VAT1L: variants seen among roughly 807,000 people sequenced by gnomAD.
The protein encoded by VAT1L is putative NADPH-dependent quinone oxidoreductase VAT1L.
Under a neutral mutation model 44.1 loss-of-function variants are expected in VAT1L, and 34 were observed. The ratio of observed to expected loss-of-function variants is 0.77; its 90% CI spans 0.59 to 1.03. The LOEUF (loss-of-function observed/expected upper bound fraction) is 1.03, where lower values mean the gene tolerates loss of function less well. Ranked by LOEUF, VAT1L falls within the 50% of genes least tolerant of loss-of-function variation. VAT1L has a pLI of 0.00. For synonymous variants in VAT1L, 253 were observed against 202.2 expected (o/e 1.25, Z -2.13); for missense variants, 615 against 538.8 (o/e 1.14, Z -1.40).
chr16:77,820,392 A>C (rs2145241049), intron 2 of VAT1L, among the ~76,000 whole-genome samples: 1 of 152,332 alleles, frequency 6.6e-6, no homozygotes, highest in South Asian at 2.1e-4. Context: ...ATCAGCAAAA[A>C]CACACATTTA....
At chr16:77,804,777 G>T (rs938455172) in intron 1 of VAT1L, among the ~76,000 whole-genome samples, 3 of 152,138 alleles carry the variant, frequency 2.0e-5, no homozygotes, top group Non-Finnish European at 2.9e-5. Context: ...GGAAAAGGCG[G>T]TGGTCTTTAG....
intron 7 of VAT1L, among the ~76,000 whole-genome samples, chr16:77,948,655 G>T (rs2018001723): frequency 2.0e-5 from 3 of 151,924 alleles, no homozygotes; most frequent in Non-Finnish European, 4.4e-5. Flanking sequence ...TTCCTTCATT[G>T]CCTTCCCTTT....
intron 7 of VAT1L, among the ~76,000 whole-genome samples, chr16:77,939,224 A>G (rs930406964): frequency 6.6e-6 from 1 of 152,236 alleles, no homozygotes; most frequent in African/African-American, 2.4e-5. Context: ...CTAAACGCTT[A>G]ACCAATTCTT....
rs184985827 is a variant in VAT1L, at chr16:77,838,578, G to A, written c.579+13117G>A. On this transcript the variant is annotated intron_variant, in intron 3 of 8. Coordinates refer to ENST00000302536, the MANE Select transcript of VAT1L (RefSeq NM_020927.3). ...GAGAGATTAAATTTGAGCACTCCCT[G>A]CCCCTCACACAAGCTATGTCCCTCT... Among the ~76,000 whole-genome samples the A allele has an allele frequency of 2.6e-5, 4 of 152,104 alleles. No individual in the cohort carries two copies. The East Asian group carries it at 5.8e-4, about 22-fold the overall frequency.
chr16:77,936,851 C>T (rs1246814747), intron 7 of VAT1L, among the ~76,000 whole-genome samples: 2 of 146,754 alleles, frequency 1.4e-5, no homozygotes. Context: ...ATTCCTAAGA[C>T]CTGAGGGTTT....
intron 2 of VAT1L, among the ~76,000 whole-genome samples, chr16:77,819,638 C>A (rs1293312805): frequency 6.6e-6 from 1 of 152,208 alleles, no homozygotes; most frequent in Non-Finnish European, 1.5e-5. Flanking sequence ...CCGCCTCAAC[C>A]TCCCAAAGTG....
chr16:77,839,675 A>G (rs1257671484), intron 3 of VAT1L, among the ~76,000 whole-genome samples: 1 of 151,896 alleles, frequency 6.6e-6, no homozygotes, highest in Non-Finnish European at 1.5e-5. Flanking sequence ...TGGGTGGTAC[A>G]CAACCTTGGG....
At chr16:77,917,580 T>C (rs2017564585) in intron 7 of VAT1L, among the ~76,000 whole-genome samples, 1 of 152,218 alleles carries the variant, frequency 6.6e-6, no homozygotes. Flanking sequence ...TGTTTTGATT[T>C]GTTTGTAGCT....
chr16:77,866,864 C>G (rs1190549438), intron 4 of VAT1L, among the ~76,000 whole-genome samples: 1 of 152,116 alleles, frequency 6.6e-6, no homozygotes, highest in Admixed American at 6.5e-5. Flanking sequence ...ACTGCAAGGG[C>G]TTTACAAATA....
rs539414676 is a variant in VAT1L at position 77,879,576 on chromosome 16, G to C, written c.882+352G>C. ...GCTGGGATTACAGGCGTGAGCCACC[G>C]CACCCAGCTGTGAGCTCTTCTATCA... On this transcript the variant is annotated intron_variant, in intron 6 of 8. Transcript: ENST00000302536. The surrounding 1 kb of genome is among the most constrained non-coding windows in gnomAD (Gnocchi z 4.1). Among the ~76,000 whole-genome samples the C allele has an allele frequency of 6.6e-6, 1 of 152,178 alleles. No individual in the cohort carries two copies. Among genetic ancestry groups the C allele is most frequent in the African/African-American group, 2.4e-5 (1 of 41,460 alleles).
chr16:77,838,222 G>C (rs192238307), intron 3 of VAT1L, among the ~76,000 whole-genome samples: 1 of 152,164 alleles, frequency 6.6e-6, no homozygotes, highest in African/African-American at 2.4e-5. Flanking sequence ...ATGACTCTGG[G>C]GACCCATCCA....
At chr16:77,971,814 C>G (rs1265543137) in intron 7 of VAT1L, 36 bp from the exon 8 acceptor site, 2 of 1,599,702 alleles carry the variant, frequency 1.3e-6, no homozygotes, top group South Asian at 2.3e-5. Context: ...AACATCTCGC[C>G]TAACCAGCAC....
At chr16:77,897,136 C>G (rs144322862) in intron 7 of VAT1L, among the ~76,000 whole-genome samples, 72 of 152,210 alleles carry the variant, frequency 4.7e-4, no homozygotes, top group Non-Finnish European at 8.8e-4. Context: ...TGCTGCAGAC[C>G]AAGATTCTTG....
chr16:77,891,229 T>C (rs1199932318), intron 7 of VAT1L, among the ~76,000 whole-genome samples: 1 of 151,692 alleles, frequency 6.6e-6, no homozygotes, highest in Non-Finnish European at 1.5e-5. Context: ...TGGCAGGCGC[T>C]TGTAGTCCCA....
Position 77,884,681 on chromosome 16 carries a change from T to A in VAT1L, c.956T>A (p.Leu319Ter). The A allele has an allele frequency of 1.2e-6, 2 of 1,613,140 alleles. No homozygotes were observed. The highest frequency in any genetic ancestry group is 1.7e-6 in the Non-Finnish European group (2 of 1,179,654). The change falls in exon 7 of 9, where the codon TTA becomes TAA. Residue 319 changes from leucine to a stop codon, truncating the protein, a stop_gained. Coordinates refer to ENST00000302536, the MANE Select transcript of VAT1L (RefSeq NM_020927.3). LOFTEE classifies it high-confidence loss of function. This position sits in a 1 kb window ranked among gnomAD's most constrained non-coding sequence, Gnocchi z 4.5. ...AAAGTCATCGCGGGGTTTTCCCTTT[T>A]AAATCTGCTCTTCAAACAAGGCCGG... ...ENKVIAGFSLLNLLFKQGRAG... is the reference protein window; with the variant it reads ...ENKVIAGFSL
chr16:77,838,536 G>A (rs139216052), intron 3 of VAT1L, among the ~76,000 whole-genome samples: 10 of 152,050 alleles, frequency 6.6e-5, no homozygotes, highest in East Asian at 1.9e-4. Flanking sequence ...CTGGGCGTCC[G>A]ACTCCACGAC....
intron 1 of VAT1L, among the ~76,000 whole-genome samples, chr16:77,805,971 T>C (rs956363221): frequency 6.7e-6 from 1 of 148,224 alleles, no homozygotes; most frequent in African/African-American, 2.5e-5. Flanking sequence ...CAAGCAATTC[T>C]CCTGCCTCAG....
intron 4 of VAT1L, 111 bp downstream of exon 4, chr16:77,863,001 G>A (rs1421398414): frequency 7.4e-7 from 1 of 1,345,884 alleles, no homozygotes; most frequent in Non-Finnish European, 1.0e-6. Context: ...AACATATATT[G>A]GGGGCTTAGT....
chr16:77,788,712 G>A lies in VAT1L; in HGVS notation c.30G>A (p.Glu10=). 2 of 1,554,618 alleles carry A rather than the reference G, an allele frequency of 1.3e-6. No homozygotes were observed. Among genetic ancestry groups the A allele is most frequent in the South Asian group, 2.4e-5 (2 of 84,364 alleles). The part of the protein sequence containing the change: MAKEGVEKA[E]ETEQMIEKEA... ...CCAAGGAAGGCGTGGAGAAGGCGGA[G>A]GAGACGGAGCAAATGATCGAGAAGG... is the stretch of plus-strand genomic sequence containing the variant. The change falls in exon 1 of 9, where the codon GAG becomes GAA. Residue 10 remains glutamate, a synonymous_variant. Coordinates refer to ENST00000302536, the MANE Select transcript of VAT1L (RefSeq NM_020927.3).
Sources: gnomAD v4.1 joint callset for allele counts (sites outside exome capture counted in the v4.1 genomes callset) on GRCh38, gnomAD v4.1.1 for gene constraint, Gnocchi (gnomAD v3.1) non-coding constraint, MANE v1.5 for transcripts, NCBI Gene and HGNC (gene_info 2026-07-23, HGNC 2026-07-21) for gene names.